The following PREX1 variants were observed in gnomAD, a reference collection of about 807,000 sequenced individuals.
PREX1 encodes phosphatidylinositol-3,4,5-trisphosphate dependent Rac exchange factor 1.
Under a neutral mutation model 198.3 loss-of-function variants are expected in PREX1, and 41 were observed. That is an observed-to-expected ratio of 0.21 (90% CI 0.16 to 0.27). The LOEUF is 0.27. Among genes scored for constraint, PREX1 ranks in the 10% least tolerant of loss-of-function variants. PREX1 has a pLI of 1.00. For missense variants in PREX1, 1,620 were observed against 2,200.7 expected (o/e 0.74, Z 5.28); for synonymous variants, 843 against 887.2 (o/e 0.95, Z 0.89).
chr20:48,627,276 G>A (rs1460671514), intron 39 of PREX1, among the ~76,000 whole-genome samples: 1 of 151,964 alleles, frequency 6.6e-6, no homozygotes, highest in Non-Finnish European at 1.5e-5. Flanking sequence ...GGCTGAGAGG[G>A]CATGGGGCTG....
chr20:48,860,894 G>A, the PREX1 span, among the ~76,000 whole-genome samples: 1 of 151,746 alleles, frequency 6.6e-6, no homozygotes, highest in African/African-American at 2.4e-5. Context: ...ACTTTGGGAG[G>A]CCGAGGTGGG....
intron 4 of PREX1, among the ~76,000 whole-genome samples, chr20:48,728,362 C>T (rs1193563760): frequency 1.3e-5 from 2 of 152,262 alleles, no homozygotes; most frequent in Non-Finnish European, 2.9e-5. Flanking sequence ...GGACCACTGT[C>T]CCCTACCACA....
At chr20:48,658,330 T>C (rs1307179646) in intron 16 of PREX1, 102 bp from the exon 17 acceptor site, 5 of 1,185,088 alleles carry the variant, frequency 4.2e-6, no homozygotes, top group African/African-American at 1.5e-5. Flanking sequence ...CCAGGTCTAG[T>C]AGGGAAGTGG....
At chr20:48,685,901 C>CAAAAAAAAAAAAAA (rs1387711158) in intron 10 of PREX1, among the ~76,000 whole-genome samples, 1 of 139,504 alleles carries the variant, frequency 7.2e-6, no homozygotes, top group South Asian at 2.5e-4. Flanking sequence ...CTCTAAAAAC[C>CAAAAAAAAAAAAAA]AAAAGATAAA....
intron 9 of PREX1, among the ~76,000 whole-genome samples, chr20:48,689,739 C>T (rs1428790516): frequency 6.6e-6 from 1 of 152,204 alleles, no homozygotes; most frequent in East Asian, 1.9e-4. Flanking sequence ...AGTGGTTTAT[C>T]GGGCCTAATA....
Position 48,690,961 on chromosome 20 carries a change from C to T in PREX1, c.1172G>A (p.Arg391Gln), listed in dbSNP as rs777715381. The T allele has an allele frequency of 5.6e-6, 9 of 1,613,988 alleles. No homozygotes were observed. In the East Asian group the frequency reaches 1.1e-4, roughly 20 times the overall value. ...QKWLDAIIRE[R>Q]EQRESLKLGM... ...CTGCTGCTCACTCTCGCGCTGCTCC[C>T]GCTCGCGGATGATGGCATCCAGCCA... The change falls in exon 9 of 40, where the codon CGG (arginine) becomes CAG (glutamine). Residue 391 changes from arginine (R) to glutamine (Q), a missense_variant. Coordinates refer to ENST00000371941, the MANE Select transcript of PREX1 (RefSeq NM_020820.4).
rs553231873 is a variant in PREX1, at chr20:48,819,710, T to C, written c.219+7932A>G. Among the ~76,000 whole-genome samples the C allele has an allele frequency of 1.2e-4, 18 of 152,376 alleles. 1 individual carries two copies. Among genetic ancestry groups the C allele is most frequent in the African/African-American group, 4.1e-4 (17 of 41,588 alleles). On this transcript the variant is annotated intron_variant, in intron 1 of 39. Coordinates refer to ENST00000371941, the MANE Select transcript of PREX1 (RefSeq NM_020820.4). ...GTGGGTGTCCTTATTATGACAACTC[T>C]GGTCCTTTTCTCAAGGGATTTCTTT...
At chr20:48,875,651 G>A in the PREX1 span, among the ~76,000 whole-genome samples, 11 of 152,296 alleles carry the variant, frequency 7.2e-5, no homozygotes, top group African/African-American at 2.6e-4. Flanking sequence ...GTTTCAAATA[G>A]CAAAACTGGA....
intron 31 of PREX1, 99 bp downstream of exon 31, chr20:48,637,612 G>A (rs531568748): frequency 2.4e-5 from 30 of 1,252,018 alleles, no homozygotes; most frequent in East Asian, 1.6e-4. Flanking sequence ...AGGCCAAAGC[G>A]TTGCCTCCCC....
At chr20:48,626,054 G>T in intron 39 of PREX1, 127 bp from the exon 40 acceptor site, 2 of 1,076,552 alleles carry the variant, frequency 1.9e-6, no homozygotes, top group Non-Finnish European at 1.3e-6. Flanking sequence ...TATAAAAGAT[G>T]CAGAGAAAAA....
chr20:48,679,268 G>T, intron 13 of PREX1, 92 bp downstream of exon 13: 1 of 1,088,838 alleles, frequency 9.2e-7, no homozygotes, highest in South Asian at 1.4e-5. Flanking sequence ...TGGAGAAGGA[G>T]ACTGGAGCTC....
chr20:48,701,301 G>A (rs12480009), intron 6 of PREX1, among the ~76,000 whole-genome samples: 23,407 of 152,014 alleles, frequency 0.15, 2,170 homozygotes, highest in Middle Eastern at 0.28. Flanking sequence ...AACCTCCGCC[G>A]CTTGGGTTCA....
chr20:48,765,416 T>C (rs2090203880), intron 1 of PREX1, among the ~76,000 whole-genome samples: 1 of 152,188 alleles, frequency 6.6e-6, no homozygotes, highest in Admixed American at 6.5e-5. Flanking sequence ...CAAGAAGCCA[T>C]TTAGAAAGAT....
chr20:48,647,305 G>C (rs569469401), intron 25 of PREX1, among the ~76,000 whole-genome samples: 1 of 151,958 alleles, frequency 6.6e-6, no homozygotes, highest in Non-Finnish European at 1.5e-5. Flanking sequence ...GGTGGGTCAC[G>C]AGATCAAGAG....
intron 5 of PREX1, among the ~76,000 whole-genome samples, chr20:48,720,055 C>T (rs1423102478): frequency 6.6e-6 from 1 of 152,198 alleles, no homozygotes; most frequent in East Asian, 1.9e-4. Flanking sequence ...CCCAGACACA[C>T]CAGCAACAGT....
At chr20:48,675,248 G>A (rs910568388) in intron 14 of PREX1, among the ~76,000 whole-genome samples, 3 of 152,202 alleles carry the variant, frequency 2.0e-5, no homozygotes, top group Non-Finnish European at 4.4e-5. Context: ...AGAGGACACA[G>A]CAGCAAGGCA....
intron 1 of PREX1, among the ~76,000 whole-genome samples, chr20:48,794,819 G>A (rs965427897): frequency 6.6e-5 from 10 of 152,188 alleles, no homozygotes; most frequent in African/African-American, 1.7e-4. Context: ...TGCTTGCTGG[G>A]TACCAGACAG....
In PREX1 at chr20:48,684,218, T is replaced by C. The variant is rs988323345; in HGVS notation, c.1335-2883A>G. 6.6e-6 allele frequency among the ~76,000 whole-genome samples: 1 copy of C among 152,190 alleles called. No homozygotes were observed. The highest frequency in any genetic ancestry group is 6.5e-5 in the Admixed American group (1 of 15,280). Reference sequence around the variant, plus strand: ...AGGGTGAGGCACAAGGAATACATTCTGCAGTCTTCCTAAGAAAGCCGCCTG... The same window carrying C: ...AGGGTGAGGCACAAGGAATACATTCCGCAGTCTTCCTAAGAAAGCCGCCTG... On this transcript the variant is annotated intron_variant, in intron 10 of 39. Coordinates refer to ENST00000371941, the MANE Select transcript of PREX1 (RefSeq NM_020820.4). This position sits in a 1 kb window ranked among gnomAD's most constrained non-coding sequence, Gnocchi z 4.2.
chr20:48,734,587 C>T lies in PREX1; in HGVS notation c.478G>A (p.Val160Met). Reference protein sequence around the residue: ...SNHEKALRLLVELNKIPTVRA... With the variant: ...SNHEKALRLLMELNKIPTVRA... ...ACGGTAGGGATCTTGTTCAGCTCCA[C>T]CAGCAGCCTCAGGGCTTTCTCATGG... Residue 160 changes from valine (V) to methionine (M), a missense_variant, in exon 4 of 40, where the codon GTG becomes ATG. Physicochemically the swap from Val to Met is conservative, Grantham distance 21. Coordinates refer to ENST00000371941, the MANE Select transcript of PREX1 (RefSeq NM_020820.4). The T allele has an allele frequency of 6.2e-7, 1 of 1,614,188 alleles. No homozygotes were observed.
Sources: gnomAD v4.1 joint callset for allele counts (sites outside exome capture counted in the v4.1 genomes callset) on GRCh38, gnomAD v4.1.1 for gene constraint, Gnocchi (gnomAD v3.1) non-coding constraint, MANE v1.5 for transcripts, NCBI Gene and HGNC (gene_info 2026-07-23, HGNC 2026-07-21) for gene names.